The following NEURL1 variants were observed in gnomAD, a reference collection of about 807,000 sequenced individuals.
NEURL1 encodes E3 ubiquitin-protein ligase NEURL1.
A neutral mutation model predicts 41.2 loss-of-function variants in NEURL1; 26 were observed. That is an observed-to-expected ratio of 0.63 (90% CI 0.46 to 0.87). NEURL1 has a LOEUF of 0.87. Among genes scored for constraint, NEURL1 ranks in the 40% least tolerant of loss-of-function variants. The pLI is 0.00. For missense variants in NEURL1, 761 were observed against 871.1 expected, an observed-to-expected ratio of 0.87 and a Z score of 1.59; for synonymous variants, 400 against 402.3, an observed-to-expected ratio of 0.99 and a Z score of 0.07.
In NEURL1 at chr10:103,527,886, G is replaced by A. The variant is rs188389196; in HGVS notation, c.85+33414G>A. Among the ~76,000 whole-genome samples, 275 of 152,222 alleles carry A rather than the reference G, an allele frequency of 1.8e-3. 4 individuals carry two copies. The highest frequency in any genetic ancestry group is 0.018 in the Admixed American group (268 of 15,282). ...GGTGATGATATTTCTATCTATTAGG[G>A]TCTCTTGTATTTAGAGTAGAGAGGA... On this transcript the variant is annotated intron_variant, in intron 1 of 5. Coordinates refer to ENST00000369780, the MANE Select transcript of NEURL1 (RefSeq NM_004210.5).
At chr10:103,579,767 C>A (rs1474431493) in intron 3 of NEURL1, among the ~76,000 whole-genome samples, 2 of 152,034 alleles carry the variant, frequency 1.3e-5, no homozygotes, top group Non-Finnish European at 2.9e-5. Flanking sequence ...CCTAGTGAAA[C>A]CCTGTCTCTA....
rs1367501293 is a variant in NEURL1, at chr10:103,545,946, A to G, written c.86-24926A>G. On this transcript the variant is annotated intron_variant, in intron 1 of 5. Transcript: ENST00000369780. The surrounding 1 kb of genome is among the most constrained non-coding windows in gnomAD (Gnocchi z 4.5). ...ATGACGGGGACTCTGGCAAAGTAGGATGGTGACTGTGGGCACACTACAGCC... is the reference window on the plus strand; with the variant it reads ...ATGACGGGGACTCTGGCAAAGTAGGGTGGTGACTGTGGGCACACTACAGCC... Among the ~76,000 whole-genome samples, 2 of 152,296 alleles carry G rather than the reference A, an allele frequency of 1.3e-5. No homozygotes were observed. The highest frequency in any genetic ancestry group is 3.9e-4 in the East Asian group (2 of 5,176).
chr10:103,567,947 A>C (rs545413490), intron 1 of NEURL1, among the ~76,000 whole-genome samples: 1 of 152,348 alleles, frequency 6.6e-6, no homozygotes, highest in African/African-American at 2.4e-5. Flanking sequence ...CCCATGTGTG[A>C]TAGGCATGTG....
chr10:103,495,300 A>G lies in NEURL1; in HGVS notation c.85+828A>G, dbSNP rs76141387. Among the ~76,000 whole-genome samples the G allele has an allele frequency of 1.4e-3, 207 of 152,298 alleles. 1 individual carries two copies. The highest frequency in any genetic ancestry group is 4.9e-3 in the African/African-American group (203 of 41,572). The stretch of plus-strand genomic sequence containing the variant: ...CCGGAAGGTGCTTTTCTGTCACCTC[A>G]GAACCAGTGGCACTTGTCCTGGGCA... On this transcript the variant is annotated intron_variant, in intron 1 of 5. Coordinates refer to ENST00000369780, the MANE Select transcript of NEURL1 (RefSeq NM_004210.5).
intron 1 of NEURL1, 147 bp from the exon 2 acceptor site, chr10:103,570,725 G>T: frequency 1.5e-6 from 2 of 1,327,646 alleles, no homozygotes; most frequent in Non-Finnish European, 2.1e-6. Context: ...GTGGCAGAAG[G>T]ATGGTGGCAA....
At chr10:103,533,517 A>G (rs1368749662) in intron 1 of NEURL1, among the ~76,000 whole-genome samples, 3 of 145,098 alleles carry the variant, frequency 2.1e-5, no homozygotes, top group Non-Finnish European at 4.5e-5. Context: ...TTACAGGCAT[A>G]AGCCACGATG....
chr10:103,519,015 C>A (rs148928297), intron 1 of NEURL1, among the ~76,000 whole-genome samples: 3 of 152,108 alleles, frequency 2.0e-5, no homozygotes, highest in African/African-American at 4.8e-5. Context: ...GAGGCTGAGG[C>A]GGGTGGATCG....
chr10:103,504,161 T>G (rs1416480184), intron 1 of NEURL1, among the ~76,000 whole-genome samples: 1 of 151,806 alleles, frequency 6.6e-6, no homozygotes, highest in Non-Finnish European at 1.5e-5. Flanking sequence ...GCCCGGCTAA[T>G]TTTTGTATTT....
chr10:103,526,572 C>T (rs561621284), intron 1 of NEURL1, among the ~76,000 whole-genome samples: 3 of 151,978 alleles, frequency 2.0e-5, no homozygotes, highest in Non-Finnish European at 4.4e-5. Context: ...AGTGCAGTGG[C>T]ACGATGTCAG....
At chr10:103,561,937 G>A (rs984644871) in intron 1 of NEURL1, among the ~76,000 whole-genome samples, 2 of 152,130 alleles carry the variant, frequency 1.3e-5, no homozygotes, top group Non-Finnish European at 1.5e-5. Flanking sequence ...TTTCTCCACC[G>A]GACACCAGAA....
intron 3 of NEURL1, among the ~76,000 whole-genome samples, chr10:103,574,782 T>C (rs1175736182): frequency 6.6e-6 from 1 of 152,090 alleles, no homozygotes; most frequent in African/African-American, 2.4e-5. Context: ...CCATCCCCCC[T>C]GTGACTATAA....
intron 1 of NEURL1, among the ~76,000 whole-genome samples, chr10:103,529,177 C>G (rs1397530886): frequency 6.6e-6 from 1 of 152,092 alleles, no homozygotes; most frequent in Non-Finnish European, 1.5e-5. Flanking sequence ...AAGCTTTAGT[C>G]TTATTATAAT....
At position 103,576,176 on chromosome 10, in the gene NEURL1, G is replaced by T. The variant is rs190031553; in HGVS notation, c.649+4354G>T. On this transcript the variant is annotated intron_variant, in intron 3 of 5. Coordinates refer to ENST00000369780, the MANE Select transcript of NEURL1 (RefSeq NM_004210.5). ...TCTGCAATCAAGTGTGACCTGAAGA[G>T]TAAAACTGTGTGTATGTGTGGGAGG... Among the ~76,000 whole-genome samples, 5 of 152,380 alleles carry T rather than the reference G, an allele frequency of 3.3e-5. No homozygotes were observed. The East Asian group carries it at 9.6e-4, about 29-fold the overall frequency.
Position 103,494,402 on chromosome 10 carries a change from C to T in NEURL1, c.15C>T (p.Phe5=), listed in dbSNP as rs1210041402. The T allele has an allele frequency of 6.3e-7, 1 of 1,595,530 alleles. No individual in the cohort carries two copies. The highest frequency in any genetic ancestry group is 8.5e-7 in the Non-Finnish European group (1 of 1,171,612). The change falls in exon 1 of 6, where the codon TTC becomes TTT. Residue 5 remains phenylalanine (F), a synonymous_variant. Coordinates refer to ENST00000369780, the MANE Select transcript of NEURL1 (RefSeq NM_004210.5). ...GGCCGGATGCCATGGGTAACAACTT[C>T]TCCAGTATCCCCTCGCTGCCCCGAG... MGNN[F]SSIPSLPRGN...
chr10:103,587,996 C>T (rs2035957179), intron 4 of NEURL1, among the ~76,000 whole-genome samples: 1 of 152,158 alleles, frequency 6.6e-6, no homozygotes, highest in Admixed American at 6.6e-5. Context: ...CAGGTGAATA[C>T]TATTTCCTGT....
rs2033610492 is a variant in NEURL1 at position 103,493,779 on chromosome 10, G to T, written c.-609G>T. On this transcript the variant is annotated 5_prime_UTR_variant, in exon 1 of 6. Transcript: ENST00000369780. Reference sequence around the variant, plus strand: ...AATCCTGGAGACTGCCGGGGCGGGGGGCGGGGGCGGCGGTCGCAGGAGGGA... The same window carrying T: ...AATCCTGGAGACTGCCGGGGCGGGGTGCGGGGGCGGCGGTCGCAGGAGGGA... 6.6e-6 allele frequency among the ~76,000 whole-genome samples: 1 copy of T among 151,896 alleles called. No homozygotes were observed.
chr10:103,553,443 A>G (rs1396990103), intron 1 of NEURL1, among the ~76,000 whole-genome samples: 1 of 152,166 alleles, frequency 6.6e-6, no homozygotes, highest in Non-Finnish European at 1.5e-5. Context: ...ATGAGCCGGT[A>G]TGTGCCTGTG....
intron 1 of NEURL1, among the ~76,000 whole-genome samples, chr10:103,496,575 GTAT>G (rs2033691219): frequency 6.6e-6 from 1 of 152,166 alleles, no homozygotes; most frequent in South Asian, 2.1e-4. Context: ...TAATAAGGAA[GTAT>G]TATTTTTGTA....
At chr10:103,587,585 G>C (rs1341451373) in intron 4 of NEURL1, among the ~76,000 whole-genome samples, 1 of 152,202 alleles carries the variant, frequency 6.6e-6, no homozygotes, top group Admixed American at 6.5e-5. Flanking sequence ...GGAATGCTTG[G>C]CTTTGTGGCT....
Sources: gnomAD v4.1 joint callset for allele counts (sites outside exome capture counted in the v4.1 genomes callset) on GRCh38, gnomAD v4.1.1 for gene constraint, Gnocchi (gnomAD v3.1) non-coding constraint, MANE v1.5 for transcripts, NCBI Gene and HGNC (gene_info 2026-07-23, HGNC 2026-07-21) for gene names.